The following SGCD variants were observed in gnomAD, a reference collection of about 807,000 sequenced individuals.
SGCD encodes delta-sarcoglycan.
A neutral mutation model predicts 36.6 loss-of-function variants in SGCD; 18 were observed. The ratio of observed to expected loss-of-function variants is 0.49; its 90% CI spans 0.34 to 0.73. The LOEUF is 0.73. Among genes scored for constraint, SGCD ranks in the 30% least tolerant of loss-of-function variants. The pLI, the probability that SGCD is intolerant of heterozygous loss-of-function variation, is 0.01. For synonymous variants in SGCD, 133 were observed against 130.6 expected (o/e 1.02, Z -0.12); for missense variants, 387 against 346.7 (o/e 1.12, Z -0.92).
chr5:156,595,299 G>C (rs1760882676), intron 6 of SGCD, among the ~76,000 whole-genome samples: 2 of 152,140 alleles, frequency 1.3e-5, no homozygotes, highest in Non-Finnish European at 2.9e-5. Flanking sequence ...TGACATGAGA[G>C]GGTACAAGAA....
chr5:156,537,502 CACACAG>C lies in SGCD; in HGVS notation c.294+28801_294+28806del, dbSNP rs376370157. Among the ~76,000 whole-genome samples the C allele has an allele frequency of 3.7e-3, 532 of 144,218 alleles. 8 individuals are homozygous for C. The highest frequency in any genetic ancestry group is 0.013 in the African/African-American group (509 of 39,176). The allele number at this position is 144,218 out of a possible 152,430, so 94.6% of individuals were successfully genotyped here. A position where few individuals can be genotyped will look rare whatever the true frequency, so the allele number is the denominator to read the frequency against. The stretch of plus-strand genomic sequence containing the variant: ...ACACACACACACACACACACACACA[CACACAG>C]GTATATATATATTTTCACAGGTCCC... On this transcript the variant is annotated intron_variant, in intron 4 of 8. Coordinates refer to ENST00000337851, the MANE Select transcript of SGCD (RefSeq NM_000337.6).
At chr5:156,265,435 G>T (rs1052936554) in intron 3 of SGCD, among the ~76,000 whole-genome samples, 3 of 151,476 alleles carry the variant, frequency 2.0e-5, no homozygotes, top group Non-Finnish European at 2.9e-5. Context: ...TCCTCATTAC[G>T]TTTTCTGCCA....
At chr5:155,995,031 T>C (rs572281815) in intron 1 of SGCD, among the ~76,000 whole-genome samples, 135 of 152,296 alleles carry the variant, frequency 8.9e-4, no homozygotes, top group African/African-American at 3.2e-3. Flanking sequence ...AACCACAGCT[T>C]CTGGTCCTGA....
rs550805562 is a variant in SGCD, at chr5:156,164,064, C to T, written c.-44+40045C>T. Among the ~76,000 whole-genome samples, 34 of 150,658 alleles carry T rather than the reference C, an allele frequency of 2.3e-4. 1 individual carries two copies. The highest frequency in any genetic ancestry group is 6.9e-4 in the African/African-American group (28 of 40,616). On this transcript the variant is annotated intron_variant, in intron 3 of 9. Coordinates refer to the SGCD transcript ENST00000517913. The stretch of plus-strand genomic sequence containing the variant: ...AAAGAAATCATTTTCATTTTCTGCA[C>T]GTCTGAACTTTGCCTGCCTTGGAGA...
intron 3 of SGCD, among the ~76,000 whole-genome samples, chr5:156,186,386 C>A (rs1447340681): frequency 6.6e-6 from 1 of 152,102 alleles, no homozygotes; most frequent in Non-Finnish European, 1.5e-5. Flanking sequence ...TTTGAAGATA[C>A]CGCCAAATCA....
intron 1 of SGCD, among the ~76,000 whole-genome samples, chr5:155,874,019 C>T (rs1255773772): frequency 6.6e-6 from 1 of 152,124 alleles, no homozygotes; most frequent in Non-Finnish European, 1.5e-5. Context: ...TGAACATTTA[C>T]ACCATTGCTC....
At chr5:155,765,476 T>G in the SGCD span, among the ~76,000 whole-genome samples, 8 of 135,304 alleles carry the variant, frequency 5.9e-5, no homozygotes, top group Admixed American at 3.6e-4. Flanking sequence ...AAGGAAGGAA[T>G]GAAGACTTAT....
chr5:156,492,969 G>A (rs573731044), intron 3 of SGCD, among the ~76,000 whole-genome samples: 7 of 152,218 alleles, frequency 4.6e-5, no homozygotes, highest in African/African-American at 1.7e-4. Flanking sequence ...ATCATTGATG[G>A]GCATTTGGGT....
intron 1 of SGCD, among the ~76,000 whole-genome samples, chr5:155,940,266 C>T (rs937440460): frequency 6.6e-6 from 1 of 152,138 alleles, no homozygotes; most frequent in Non-Finnish European, 1.5e-5. Context: ...CTCAAGTATC[C>T]TATGGCTTCT....
At chr5:155,880,853 C>T (rs1405674270) in intron 1 of SGCD, among the ~76,000 whole-genome samples, 3 of 152,010 alleles carry the variant, frequency 2.0e-5, no homozygotes, top group Non-Finnish European at 4.4e-5. Context: ...TGGTTAATAT[C>T]GTCTGAACCA....
At chr5:156,072,906 G>C (rs1036506752) in intron 1 of SGCD, among the ~76,000 whole-genome samples, 71 of 152,098 alleles carry the variant, frequency 4.7e-4, no homozygotes, top group Admixed American at 2.2e-3. Flanking sequence ...GACACCCTTT[G>C]TTCCAGTTGA....
At chr5:155,817,622 C>T in the SGCD span, among the ~76,000 whole-genome samples, 1 of 151,838 alleles carries the variant, frequency 6.6e-6, no homozygotes, top group South Asian at 2.1e-4. Flanking sequence ...CTTTTCTTTT[C>T]CAAATAATAA....
chr5:155,859,835 G>A, the SGCD span, among the ~76,000 whole-genome samples: 2 of 152,248 alleles, frequency 1.3e-5, no homozygotes, highest in East Asian at 1.9e-4. Flanking sequence ...AAAAATTGGT[G>A]AAGAAGTTGG....
intron 4 of SGCD, among the ~76,000 whole-genome samples, chr5:156,560,798 G>A (rs1380546168): frequency 6.6e-6 from 1 of 152,062 alleles, no homozygotes; most frequent in Admixed American, 6.6e-5. Flanking sequence ...TCAAATCTGT[G>A]TCCTGCCTGT....
chr5:156,156,455 C>G (rs1458641241), intron 3 of SGCD, among the ~76,000 whole-genome samples: 1 of 151,454 alleles, frequency 6.6e-6, no homozygotes, highest in African/African-American at 2.4e-5. Context: ...ATGGCAAAAC[C>G]CTGTTTCTAT....
chr5:155,947,358 T>A (rs1349746511), intron 1 of SGCD, among the ~76,000 whole-genome samples: 5 of 150,418 alleles, frequency 3.3e-5, no homozygotes, highest in Non-Finnish European at 5.9e-5. Flanking sequence ...GTTTTTTTTT[T>A]ATTATTAAGA....
intron 1 of SGCD, among the ~76,000 whole-genome samples, chr5:156,034,510 G>C (rs757771105): frequency 2.3e-4 from 35 of 152,136 alleles, no homozygotes; most frequent in Non-Finnish European, 5.0e-4. Context: ...CTGTAAAAGA[G>C]GGCTAACCAT....
intron 1 of SGCD, among the ~76,000 whole-genome samples, chr5:155,966,036 A>G (rs538192160): frequency 6.6e-6 from 1 of 152,238 alleles, no homozygotes; most frequent in African/African-American, 2.4e-5. Flanking sequence ...TTAAAAAATC[A>G]TCATTAAAAG....
intron 3 of SGCD, among the ~76,000 whole-genome samples, chr5:156,231,355 T>C (rs911723545): frequency 3.9e-5 from 6 of 152,080 alleles, no homozygotes; most frequent in Admixed American, 6.6e-5. Context: ...GCCAACATGG[T>C]GAAACCCCAT....
Sources: gnomAD v4.1 joint callset for allele counts (sites outside exome capture counted in the v4.1 genomes callset) on GRCh38, gnomAD v4.1.1 for gene constraint, MANE v1.5 for transcripts, NCBI Gene and HGNC (gene_info 2026-07-23, HGNC 2026-07-21) for gene names.